The following ADAM12 variants were observed in gnomAD, a reference collection of about 807,000 sequenced individuals.
The protein encoded by ADAM12 is disintegrin and metalloproteinase domain-containing protein 12.
Under a neutral mutation model 106.4 loss-of-function variants are expected in ADAM12, and 70 were observed. That is an observed-to-expected ratio of 0.66 (90% CI 0.54 to 0.80). ADAM12 has a LOEUF of 0.80. Among genes scored for constraint, ADAM12 ranks in the 30% least tolerant of loss-of-function variants. ADAM12 has a pLI of 0.00. For synonymous variants in ADAM12, 420 were observed against 433.5 expected (o/e 0.97, Z 0.39); for missense variants, 1,010 against 1,171.9 (o/e 0.86, Z 2.02).
At chr10:126,098,682 A>G (rs1249299591) in intron 9 of ADAM12, among the ~76,000 whole-genome samples, 182 bp from the exon 10 acceptor site, 1 of 152,186 alleles carries the variant, frequency 6.6e-6, no homozygotes, top group East Asian at 1.9e-4. Context: ...CAGTTGCGTC[A>G]TGGTTCTGTC....
At chr10:126,284,428 A>T (rs1384627497) in intron 2 of ADAM12, among the ~76,000 whole-genome samples, 1 of 150,696 alleles carries the variant, frequency 6.6e-6, no homozygotes, top group Non-Finnish European at 1.5e-5. Flanking sequence ...CATGTGTCTC[A>T]TTGTCTGTCC....
intron 2 of ADAM12, among the ~76,000 whole-genome samples, chr10:126,309,505 T>A (rs908066514): frequency 6.6e-6 from 1 of 152,240 alleles, no homozygotes; most frequent in African/African-American, 2.4e-5. Context: ...AAGAGTTGAT[T>A]TATTAAGTAA....
intron 3 of ADAM12, among the ~76,000 whole-genome samples, chr10:126,189,937 T>C (rs898418267): frequency 6.6e-6 from 1 of 152,174 alleles, no homozygotes; most frequent in Non-Finnish European, 1.5e-5. Context: ...CAGGTGCACA[T>C]CATCACTCAG....
At chr10:126,173,221 G>A (rs1349909601) in intron 3 of ADAM12, among the ~76,000 whole-genome samples, 5 of 152,252 alleles carry the variant, frequency 3.3e-5, no homozygotes, top group African/African-American at 4.8e-5. Context: ...GAACCTGCAC[G>A]TTCTGCACAT....
intron 3 of ADAM12, among the ~76,000 whole-genome samples, chr10:126,245,434 T>C (rs748753985): frequency 1.3e-5 from 2 of 152,058 alleles, no homozygotes; most frequent in Non-Finnish European, 1.5e-5. Context: ...TATGGAGGCA[T>C]GGGGGACACC....
At chr10:126,094,245 T>C (rs1259413353) in intron 10 of ADAM12, 112 bp from the exon 11 acceptor site, 1 of 1,094,808 alleles carries the variant, frequency 9.1e-7, no homozygotes, top group African/African-American at 1.6e-5. Flanking sequence ...CTTAATGTAA[T>C]TCCTTATAAG....
At chr10:126,113,839 G>C (rs750183152) in intron 6 of ADAM12, among the ~76,000 whole-genome samples, 28 of 150,132 alleles carry the variant, frequency 1.9e-4, no homozygotes, top group African/African-American at 4.4e-4. Flanking sequence ...GTCCAGGTGA[G>C]AGGTGACAGT....
At chr10:126,250,140 G>C (rs1958716806) in intron 3 of ADAM12, among the ~76,000 whole-genome samples, 1 of 152,156 alleles carries the variant, frequency 6.6e-6, no homozygotes, top group African/African-American at 2.4e-5. Context: ...CCGACCGCAA[G>C]GCCCTTCAAA....
Position 126,049,162 on chromosome 10 carries a change from C to T in ADAM12, c.1917+91G>A. 6.5e-7 allele frequency: 1 copy of T among 1,533,964 alleles called. No homozygotes were observed. Among genetic ancestry groups the T allele is most frequent in the Non-Finnish European group, 8.9e-7 (1 of 1,122,146 alleles). On this transcript the variant is annotated intron_variant, in intron 16 of 22. Coordinates refer to ENST00000448723, the MANE Select transcript of ADAM12 (RefSeq NM_001288973.2). This position sits in a 1 kb window ranked among gnomAD's most constrained non-coding sequence, Gnocchi z 4.4. ...CTGAGAAGAAGTAGATTTAGGAAAA[C>T]CAACAAACCTTGTAACCCAGTTCTT...
intron 8 of ADAM12, among the ~76,000 whole-genome samples, chr10:126,104,448 T>TAAAAAAAA (rs541719234): frequency 9.9e-6 from 1 of 100,750 alleles, no homozygotes; most frequent in African/African-American, 3.7e-5. Context: ...AGACTCTGTC[T>TAAAAAAAA]AAAAAAAAAA....
At chr10:126,210,258 T>C (rs1403524040) in intron 3 of ADAM12, among the ~76,000 whole-genome samples, 1 of 152,244 alleles carries the variant, frequency 6.6e-6, no homozygotes, top group African/African-American at 2.4e-5. Context: ...TGTTGACCAA[T>C]GCTTTCCTCT....
At chr10:126,150,483 A>C (rs76055643) in intron 4 of ADAM12, among the ~76,000 whole-genome samples, 2 of 152,236 alleles carry the variant, frequency 1.3e-5, no homozygotes, top group East Asian at 3.9e-4. Flanking sequence ...TCCAACCAAC[A>C]ACTGCTCCTT....
intron 3 of ADAM12, among the ~76,000 whole-genome samples, chr10:126,179,598 T>C (rs985606274): frequency 6.6e-6 from 1 of 152,236 alleles, no homozygotes; most frequent in South Asian, 2.1e-4. Context: ...CTTTTGACTA[T>C]GTTCAACATT....
chr10:126,171,560 T>C (rs761130545), intron 3 of ADAM12, among the ~76,000 whole-genome samples: 1 of 152,230 alleles, frequency 6.6e-6, no homozygotes, highest in African/African-American at 2.4e-5. Context: ...AGGCTAGAGT[T>C]AGCACCTTTT....
intron 3 of ADAM12, among the ~76,000 whole-genome samples, chr10:126,220,980 G>A (rs754540087): frequency 5.9e-5 from 9 of 152,248 alleles, no homozygotes; most frequent in African/African-American, 1.9e-4. Flanking sequence ...GTTAGGGGAC[G>A]AAACAAAGCC....
intron 11 of ADAM12, among the ~76,000 whole-genome samples, chr10:126,082,107 G>T (rs1955230460): frequency 6.6e-6 from 1 of 152,166 alleles, no homozygotes; most frequent in African/African-American, 2.4e-5. Flanking sequence ...GTAGTTAGGA[G>T]CACAACCAAC....
At chr10:126,069,526 C>G (rs954105255) in intron 12 of ADAM12, among the ~76,000 whole-genome samples, 14 of 152,232 alleles carry the variant, frequency 9.2e-5, no homozygotes, top group Non-Finnish European at 1.9e-4. Context: ...CCTGGCGAGA[C>G]AGCACCCTGT....
intron 3 of ADAM12, among the ~76,000 whole-genome samples, chr10:126,216,883 C>T (rs1309479043): frequency 6.6e-6 from 1 of 152,230 alleles, no homozygotes; most frequent in Non-Finnish European, 1.5e-5. Context: ...GGCTTCTCAT[C>T]CACATGCACA....
intron 2 of ADAM12, among the ~76,000 whole-genome samples, chr10:126,319,240 C>T (rs886186620): frequency 6.6e-6 from 1 of 152,132 alleles, no homozygotes; most frequent in Admixed American, 6.5e-5. Flanking sequence ...CGTAACTCCC[C>T]ACTCCTCAAG....
Sources: gnomAD v4.1 joint callset for allele counts (sites outside exome capture counted in the v4.1 genomes callset) on GRCh38, gnomAD v4.1.1 for gene constraint, Gnocchi (gnomAD v3.1) non-coding constraint, MANE v1.5 for transcripts, NCBI Gene and HGNC (gene_info 2026-07-23, HGNC 2026-07-21) for gene names.